The following ITGA3 variants were observed in gnomAD, a reference collection of about 807,000 sequenced individuals.
ITGA3 encodes the protein integrin alpha-3.
A neutral mutation model predicts 131.1 loss-of-function variants in ITGA3; 70 were observed. The ratio of observed to expected loss-of-function variants is 0.53; its 90% CI spans 0.44 to 0.65. The LOEUF is 0.65. ITGA3 is among the 30% of genes least tolerant of loss of function. ITGA3 has a pLI of 0.00. For missense variants in ITGA3, 1,098 were observed against 1,388.6 expected, an observed-to-expected ratio of 0.79 and a Z score of 3.33; for synonymous variants, 537 against 571.6, an observed-to-expected ratio of 0.94 and a Z score of 0.86.
chr17:50,076,537 G>A (rs573176014), intron 13 of ITGA3, 47 bp from the exon 14 acceptor site: 2 of 1,559,426 alleles, frequency 1.3e-6, no homozygotes, highest in South Asian at 1.1e-5. Context: ...GGGCGAGAGG[G>A]CACTGGGGGG....
chr17:50,079,894 A>G (rs1187879414), intron 21 of ITGA3, among the ~76,000 whole-genome samples: 1 of 152,138 alleles, frequency 6.6e-6, no homozygotes, highest in East Asian at 1.9e-4. Context: ...TGCCCTCTGC[A>G]GGAAAGGAGA....
At chr17:50,071,924 A>G (rs552538911) in intron 6 of ITGA3, 62 bp from the exon 7 acceptor site, 63 of 1,460,066 alleles carry the variant, frequency 4.3e-5, no homozygotes, top group Middle Eastern at 1.8e-4. Context: ...CCTGTCAAAC[A>G]AGAACTATGC....
At position 50,076,355 on chromosome 17, in the gene ITGA3, C is replaced by G; in HGVS notation, c.1704C>G (p.Ile568Met). The stretch of plus-strand genomic sequence containing the variant: ...ACCTCCGTGACAAACTCCGCCCCAT[C>G]ATCATCTCCATGAACTACTCTTTAC... ...MDNLRDKLRP[I>M]IISMNYSLPL... is the part of the protein sequence containing the mutation. The change falls in exon 13 of 26, where the codon ATC becomes ATG. Residue 568 changes from isoleucine to methionine, a missense_variant. Physicochemically the swap from Ile to Met is conservative, Grantham distance 10. Around this residue, in one of 3 missense-constraint regions of ITGA3, gnomAD observed 699 missense variants for 829.2 expected, o/e 0.84. Transcript: ENST00000320031. 6.2e-7 allele frequency: 1 copy of G among 1,613,832 alleles called. No homozygotes were observed. Among genetic ancestry groups the G allele is most frequent in the East Asian group, 2.2e-5 (1 of 44,864 alleles).
At chr17:50,070,539 G>A (rs1429901006) in intron 4 of ITGA3, among the ~76,000 whole-genome samples, 1 of 151,086 alleles carries the variant, frequency 6.6e-6, no homozygotes. Context: ...CCAGCTACTC[G>A]GGAGGCTGAG....
chr17:50,070,396 A>C (rs1395179364), intron 4 of ITGA3, among the ~76,000 whole-genome samples: 1 of 152,216 alleles, frequency 6.6e-6, no homozygotes, highest in Non-Finnish European at 1.5e-5. Flanking sequence ...CTGTAATCCC[A>C]GCACTTTGGG....
At chr17:50,076,784 C>G in intron 14 of ITGA3, 103 bp downstream of exon 14, 1 of 1,253,542 alleles carries the variant, frequency 8.0e-7, no homozygotes, top group Non-Finnish European at 1.2e-6. Context: ...AGCCCAGGGA[C>G]AGGGCTTTAG....
Position 50,074,193 on chromosome 17 carries a change from A to G in ITGA3, c.1295A>G (p.Tyr432Cys), listed in dbSNP as rs757664252. ...LGLPGLATFGYSLSGQMDVDE... is the reference protein window; with the variant it reads ...LGLPGLATFGCSLSGQMDVDE... ...CTGCCTGGGTTGGCCACCTTCGGCT[A>G]TTCCCTCAGTGGGCAGATGGATGTG... Residue 432 changes from tyrosine (Y) to cysteine (C), a missense_variant, in exon 9 of 26, where the codon TAT becomes TGT. Transcript: ENST00000320031. 6.8e-6 allele frequency: 11 copies of G among 1,614,182 alleles called. No homozygotes were observed. Among genetic ancestry groups the G allele is most frequent in the South Asian group, 2.2e-5 (2 of 91,078 alleles).
In ITGA3 at chr17:50,087,674, T is replaced by C. The variant is rs1379758609; in HGVS notation, c.2920-70T>C. The C allele has an allele frequency of 1.2e-5, 18 of 1,522,626 alleles. No individual in the cohort carries two copies. The East Asian group carries it at 4.0e-4, about 34-fold the overall frequency. 94.3% of individuals were successfully genotyped at this position (1,522,626 alleles called of 1,614,324 possible). On this transcript the variant is annotated intron_variant, in intron 23 of 25. Transcript: ENST00000320031. ...CAAACAGCAGGTGCCTGGGCCCAGC[T>C]AGGATAGGAAGGGTGAGGATGGGCC...
At chr17:50,078,008 C>A in intron 16 of ITGA3, 38 bp from the exon 17 acceptor site, 1 of 1,562,158 alleles carries the variant, frequency 6.4e-7, no homozygotes, top group Non-Finnish European at 8.8e-7. Context: ...CCGCCAGGCC[C>A]CATATGCCAC....
chr17:50,072,229 C>T (rs760458341), intron 7 of ITGA3, 47 bp downstream of exon 7: 6 of 1,506,772 alleles, frequency 4.0e-6, no homozygotes, highest in Non-Finnish European at 5.5e-6. Context: ...CAGCACCCCT[C>T]CTCCCAGCAC....
Position 50,056,790 on chromosome 17 carries a change from G to A in ITGA3, c.206+145G>A. 1 of 808,642 alleles carries A rather than the reference G, an allele frequency of 1.2e-6. No individual in the cohort carries two copies. The highest frequency in any genetic ancestry group is 1.8e-5 in the South Asian group (1 of 55,840). The allele number at this position is 808,642 out of a possible 1,614,324, so 50.1% of individuals were successfully genotyped here. On this transcript the variant is annotated intron_variant, in intron 1 of 25. Coordinates refer to ENST00000320031, the MANE Select transcript of ITGA3 (RefSeq NM_002204.4). The surrounding 1 kb of genome is among the most constrained non-coding windows in gnomAD (Gnocchi z 5.6). Reference sequence around the variant, plus strand: ...CCCTCTGGCTGCTGGGGGTTGGCGGGAAGTGGAGGATTGGGTGTGGGGTCG... The same window carrying A: ...CCCTCTGGCTGCTGGGGGTTGGCGGAAAGTGGAGGATTGGGTGTGGGGTCG...
intron 20 of ITGA3, 46 bp from the exon 21 acceptor site, chr17:50,079,389 C>A: frequency 5.2e-6 from 8 of 1,548,868 alleles, no homozygotes; most frequent in Non-Finnish European, 7.0e-6. Flanking sequence ...ACCCTGCTCC[C>A]AATTCTTCCT....
intron 18 of ITGA3, 80 bp downstream of exon 18, chr17:50,078,364 A>C: frequency 1.7e-6 from 2 of 1,151,476 alleles, no homozygotes; most frequent in Non-Finnish European, 1.3e-6. Flanking sequence ...TATCTCCCAA[A>C]CTCCTCTGAC....
chr17:50,082,523 C>G lies in ITGA3; in HGVS notation c.2919+1115C>G, dbSNP rs7221307. On this transcript the variant is annotated intron_variant, in intron 23 of 25. Coordinates refer to ENST00000320031, the MANE Select transcript of ITGA3 (RefSeq NM_002204.4). Reference sequence around the variant, plus strand: ...CATGAGGTCTCACTGTGCTGCCCAGCCTGGTCTTGAACTCCTGGTCTCAAG... The same window carrying G: ...CATGAGGTCTCACTGTGCTGCCCAGGCTGGTCTTGAACTCCTGGTCTCAAG... Among the ~76,000 whole-genome samples the G allele has an allele frequency of 2.5e-3, 375 of 151,096 alleles. 6 individuals are homozygous for G. The highest frequency in any genetic ancestry group is 8.9e-3 in the African/African-American group (367 of 41,140).
At position 50,089,302 on chromosome 17, in the gene ITGA3, C is replaced by A; in HGVS notation, c.*224C>A. 6.4e-7 allele frequency: 1 copy of A among 1,552,606 alleles called. No individual in the cohort carries two copies. The highest frequency in any genetic ancestry group is 8.8e-7 in the Non-Finnish European group (1 of 1,130,744). On this transcript the variant is annotated 3_prime_UTR_variant, in exon 26 of 26. Coordinates refer to ENST00000320031, the MANE Select transcript of ITGA3 (RefSeq NM_002204.4). ...ATCCCACCCCCTCCTCCCCCAGTGTCCCCTTTCTTCCTATTTATCATAAGT... is the reference window on the plus strand; with the variant it reads ...ATCCCACCCCCTCCTCCCCCAGTGTACCCTTTCTTCCTATTTATCATAAGT...
At position 50,056,169 on chromosome 17, in the gene ITGA3, C is replaced by A. The variant is rs553370824; in HGVS notation, c.-271C>A. ...CGCGGCCAAGGGGGCGCGGCCGGGA[C>A]AAGCTGGGGGCCGGTTGCCCGGGGC... On this transcript the variant is annotated 5_prime_UTR_variant, in exon 1 of 26. Transcript: ENST00000320031. The surrounding 1 kb of genome is among the most constrained non-coding windows in gnomAD (Gnocchi z 5.6). 452 of 391,742 alleles carry A rather than the reference C, an allele frequency of 1.2e-3. No homozygotes were observed. The highest frequency in any genetic ancestry group is 5.9e-3 in the Middle Eastern group (9 of 1,534). The allele number at this position is 391,742 out of a possible 1,614,324, so 24.3% of individuals were successfully genotyped here.
At chr17:50,072,460 C>T (rs1400705125) in intron 7 of ITGA3, among the ~76,000 whole-genome samples, 1 of 146,510 alleles carries the variant, frequency 6.8e-6, no homozygotes, top group Non-Finnish European at 1.5e-5. Context: ...TGATGGGGCA[C>T]AACATGGGTG....
chr17:50,063,776 C>A, intron 1 of ITGA3: 1 of 373,376 alleles, frequency 2.7e-6, no homozygotes, highest in African/African-American at 2.1e-5. Context: ...CCTTCTTCAC[C>A]TGGAGAACCC....
chr17:50,078,419 C>A lies in ITGA3; in HGVS notation c.2297+135C>A, dbSNP rs56207829. 1,313 of 649,044 alleles carry A rather than the reference C, an allele frequency of 2.0e-3. 4 individuals are homozygous for A. Among genetic ancestry groups the A allele is most frequent in the Non-Finnish European group, 3.1e-3 (1,138 of 367,106 alleles). The allele number at this position is 649,044 out of a possible 1,614,324, so 40.2% of individuals were successfully genotyped here. On this transcript the variant is annotated intron_variant, in intron 18 of 25. Transcript: ENST00000320031. ...CCTCAGGCCTCCACTTTCCCTGGAT[C>A]ATCCTTTTCTTAACAACAACAATCA...
Sources: allele counts gnomAD v4.1 joint callset (sites outside exome capture counted in the v4.1 genomes callset), GRCh38; gene constraint gnomAD v4.1.1; regional missense constraint gnomAD v4.1.1; non-coding constraint Gnocchi (gnomAD v3.1); transcripts MANE v1.5; gene names NCBI Gene and HGNC (gene_info 2026-07-23, HGNC 2026-07-21).